TPO: variants seen among roughly 807,000 people sequenced by gnomAD.
The protein encoded by TPO is thyroid microsomal antigen.
A neutral mutation model predicts 96.9 loss-of-function variants in TPO; 78 were observed. The ratio of observed to expected loss-of-function variants is 0.81; its 90% confidence interval spans 0.67 to 0.97. The LOEUF (loss-of-function observed/expected upper bound fraction) is 0.97. TPO is among the 50% of genes least tolerant of loss of function. The probability of loss-of-function intolerance (pLI) is 0.00; values close to 1 mark genes in which losing one functional copy is unlikely to be tolerated. For missense variants in TPO, 1,252 were observed against 1,274.8 expected (o/e 0.98, Z 0.27); for synonymous variants, 547 against 538.0 (o/e 1.02, Z -0.23).
chr2:1,502,472 C>G (rs1672970201), intron 13 of TPO, among the ~76,000 whole-genome samples: 1 of 152,196 alleles, frequency 6.6e-6, no homozygotes, highest in East Asian at 1.9e-4. Context: ...TCACTGCAAC[C>G]TCCGCTTCCT....
intron 3 of TPO, among the ~76,000 whole-genome samples, chr2:1,429,414 A>C (rs1664758986): frequency 6.6e-6 from 1 of 152,236 alleles, no homozygotes; most frequent in South Asian, 2.1e-4. Context: ...AGCAATGTGA[A>C]AATGGCCTAA....
chr2:1,513,744 C>T (rs1674401422), intron 14 of TPO: 1 of 151,904 alleles, frequency 6.6e-6, no homozygotes, highest in Non-Finnish European at 1.5e-5. Flanking sequence ...ATAGATTGAA[C>T]ATAGATATAG....
intron 14 of TPO, among the ~76,000 whole-genome samples, chr2:1,514,497 C>A (rs1400787888): frequency 6.6e-6 from 1 of 152,216 alleles, no homozygotes; most frequent in Admixed American, 6.5e-5. Context: ...TTTCCAAAGG[C>A]CCTCGTTGGC....
chr2:1,494,875 G>C (rs569653365), intron 11 of TPO, among the ~76,000 whole-genome samples: 11 of 152,166 alleles, frequency 7.2e-5, no homozygotes, highest in African/African-American at 2.7e-4. Flanking sequence ...CCTTTCCCCA[G>C]TGTGACTTTT....
chr2:1,497,402 C>T (rs966009536), intron 13 of TPO, among the ~76,000 whole-genome samples: 14 of 152,134 alleles, frequency 9.2e-5, no homozygotes, highest in South Asian at 2.1e-4. Context: ...CAGAGCCTCC[C>T]GGGGGGAGAG....
intron 16 of TPO, chr2:1,541,024 G>A: frequency 7.4e-7 from 1 of 1,348,228 alleles, no homozygotes; most frequent in African/African-American, 1.5e-5. Context: ...AAGCACAGGA[G>A]AGGAAGGAGA....
At chr2:1,407,624 T>C (rs748558202) in intron 1 of TPO, among the ~76,000 whole-genome samples, 2 of 152,216 alleles carry the variant, frequency 1.3e-5, no homozygotes, top group African/African-American at 2.4e-5. Context: ...TACTTGGTCA[T>C]ACCTCACCAA....
intron 10 of TPO, among the ~76,000 whole-genome samples, chr2:1,489,852 G>A (rs1318933867): frequency 2.6e-5 from 4 of 152,212 alleles, no homozygotes; most frequent in Non-Finnish European, 5.9e-5. Context: ...TTCCTCCCCT[G>A]AGCGCCCAGG....
chr2:1,375,012 A>C (rs1162135235), intron 1 of TPO, among the ~76,000 whole-genome samples: 1 of 152,170 alleles, frequency 6.6e-6, no homozygotes, highest in Non-Finnish European at 1.5e-5. Context: ...TACAGGCATG[A>C]ACCACTGCAC....
Position 1,433,614 on chromosome 2 carries a change from T to C in TPO, c.349+7T>C. Reference sequence around the variant, plus strand: ...CAATCACAGCATCCAACGGGTAATGTGTGCCCCTCTCCCCACTGAGGAGCG... The same window carrying C: ...CAATCACAGCATCCAACGGGTAATGCGTGCCCCTCTCCCCACTGAGGAGCG... On this transcript the variant is annotated splice_region_variant and intron_variant, in intron 4 of 16. Transcript: ENST00000329066. 1.2e-6 allele frequency: 2 copies of C among 1,613,126 alleles called. No individual in the cohort carries two copies. The highest frequency in any genetic ancestry group is 2.2e-5 in the East Asian group (1 of 44,844).
intron 1 of TPO, among the ~76,000 whole-genome samples, chr2:1,387,417 T>C (rs1015060065): frequency 6.6e-6 from 1 of 152,182 alleles, no homozygotes; most frequent in African/African-American, 2.4e-5. Context: ...TTTCTTTTTA[T>C]TCTTTTTTCT....
intron 5 of TPO, among the ~76,000 whole-genome samples, chr2:1,453,077 C>T (rs545296961): frequency 2.6e-3 from 390 of 152,336 alleles, no homozygotes; most frequent in Middle Eastern, 6.8e-3. Flanking sequence ...CAGCCAAATA[C>T]AACTGACTCT....
chr2:1,471,785 GT>G (rs1669439319), intron 7 of TPO, among the ~76,000 whole-genome samples: 1 of 152,160 alleles, frequency 6.6e-6, no homozygotes, highest in Admixed American at 6.5e-5. Context: ...AGACAGCATA[GT>G]GGGCTCAAAG....
At chr2:1,475,808 G>C (rs1413604739) in intron 7 of TPO, among the ~76,000 whole-genome samples, 13 of 152,220 alleles carry the variant, frequency 8.5e-5, no homozygotes, top group Non-Finnish European at 1.8e-4. Flanking sequence ...CTGGCTCTGA[G>C]CCAAGGCTGG....
chr2:1,450,182 C>T (rs530120674), intron 5 of TPO, among the ~76,000 whole-genome samples: 14 of 152,324 alleles, frequency 9.2e-5, no homozygotes, highest in Middle Eastern at 3.4e-3. Context: ...TTTTCATGGG[C>T]GGCACACATC....
chr2:1,477,525 C>T lies in TPO; in HGVS notation c.1259C>T (p.Ala420Val), dbSNP rs1294060096. The change falls in exon 8 of 17, where the codon GCG becomes GTG. Residue 420 changes from alanine to valine, a missense_variant. Coordinates refer to ENST00000329066, the MANE Select transcript of TPO (RefSeq NM_001206744.2). ...CGCGAGCACAACCGCCTGGCCGCGG[C>T]GCTCAAGGCCCTCAATGCGCACTGG... ...WLREHNRLAA[A>V]LKALNAHWSA... is the part of the protein sequence containing the mutation. The T allele has an allele frequency of 1.7e-5, 26 of 1,533,306 alleles. No individual in the cohort carries two copies. Among genetic ancestry groups the T allele is most frequent in the South Asian group, 4.8e-5 (4 of 83,858 alleles). 95.0% of individuals were successfully genotyped at this position (1,533,306 alleles called of 1,614,324 possible). A position where few individuals can be genotyped will look rare whatever the true frequency, so the allele number is the denominator to read the frequency against.
At chr2:1,538,175 C>A (rs1052985351) in intron 15 of TPO, among the ~76,000 whole-genome samples, 1 of 151,860 alleles carries the variant, frequency 6.6e-6, no homozygotes, top group Non-Finnish European at 1.5e-5. Context: ...TCCTCAAATC[C>A]CCCCTGCAGG....
At chr2:1,509,535 G>A (rs1673847934) in intron 14 of TPO, among the ~76,000 whole-genome samples, 1 of 144,032 alleles carries the variant, frequency 6.9e-6, no homozygotes, top group African/African-American at 2.6e-5. Flanking sequence ...TCAGGCACAG[G>A]ATACCCTCTT....
intron 13 of TPO, among the ~76,000 whole-genome samples, chr2:1,502,831 G>C (rs1219208993): frequency 6.6e-6 from 1 of 152,188 alleles, no homozygotes; most frequent in Non-Finnish European, 1.5e-5. Context: ...TTTCACAGCT[G>C]ACATAATGAT....
Sources: allele counts gnomAD v4.1 joint callset (sites outside exome capture counted in the v4.1 genomes callset), GRCh38; gene constraint gnomAD v4.1.1; transcripts MANE v1.5; gene names NCBI Gene and HGNC (gene_info 2026-07-23, HGNC 2026-07-21).